Variants in BARD1 observed in about 807,000 individuals in gnomAD.
The protein encoded by BARD1 is BRCA1-associated RING domain protein 1.
BARD1 carries 73 observed loss-of-function variants against 77.0 expected under a neutral mutation model. That is an observed-to-expected ratio of 0.95 (90% CI 0.79 to 1.15). The LOEUF is 1.15. Ranked by LOEUF, BARD1 falls within the 50% of genes most tolerant of loss-of-function variation. The pLI is 0.00. For synonymous variants in BARD1, 384 were observed against 338.0 expected, an observed-to-expected ratio of 1.14 and a Z score of -1.49; for missense variants, 993 against 938.8, an observed-to-expected ratio of 1.06 and a Z score of -0.75.
rs755043888 is a variant in BARD1, at chr2:214,728,719, A to AT, written c.2290dup (p.Ile764AsnfsTer8). Reference sequence around the variant, plus strand: ...CAACTCAAAGGACATCACACAGTCTATAAACCAGCTCGAAGGAGCCTTCCA... The same window carrying AT: ...CAACTCAAAGGACATCACACAGTCTATTAAACCAGCTCGAAGGAGCCTTCCA... On this transcript the variant is annotated frameshift_variant, in exon 11 of 11. Transcript: ENST00000260947. LOFTEE classifies it high-confidence loss of function. The AT allele has an allele frequency of 6.2e-7, 1 of 1,614,222 alleles. No homozygotes were observed. The highest frequency in any genetic ancestry group is 1.1e-5 in the South Asian group (1 of 91,086).
chr2:214,777,543 C>A (rs895503167), intron 4 of BARD1, among the ~76,000 whole-genome samples: 1 of 151,460 alleles, frequency 6.6e-6, no homozygotes, highest in Non-Finnish European at 1.5e-5. Flanking sequence ...CAAGTCTAAA[C>A]AACTTTAGGC....
At chr2:214,751,133 A>G (rs1276679404) in intron 7 of BARD1, among the ~76,000 whole-genome samples, 3,358 of 16,252 alleles carry the variant, frequency 0.21, 653 homozygotes, top group East Asian at 0.48. Flanking sequence ...ATATATATAT[A>G]TATATATATA....
chr2:214,752,334 T>C (rs765496973), intron 7 of BARD1, 113 bp downstream of exon 7: 2 of 835,840 alleles, frequency 2.4e-6, no homozygotes, highest in African/African-American at 1.7e-5. Context: ...AAGTGCTCAA[T>C]AATTGTTTGG....
intron 4 of BARD1, among the ~76,000 whole-genome samples, chr2:214,777,393 G>C (rs771991698): frequency 2.0e-5 from 3 of 152,152 alleles, no homozygotes; most frequent in Non-Finnish European, 4.4e-5. Flanking sequence ...CCTGCAGTGG[G>C]GGAAGGTAAC....
In BARD1 at chr2:214,727,943, T is replaced by C. The variant is rs2105984583; in HGVS notation, c.*733A>G. On this transcript the variant is annotated 3_prime_UTR_variant, in exon 11 of 11. Transcript: ENST00000260947. ...TTAGAGAAAATGCTCTAAGTATATA[T>C]ACACATGTAGTAGATAAACAGAGTT... 1 of 215,788 alleles carries C rather than the reference T, an allele frequency of 4.6e-6. No homozygotes were observed. The highest frequency in any genetic ancestry group is 7.0e-5 in the East Asian group (1 of 14,334). The allele number at this position is 215,788 out of a possible 1,614,324, so 13.4% of individuals were successfully genotyped here.
intron 6 of BARD1, among the ~76,000 whole-genome samples, chr2:214,761,399 A>C (rs1693957352): frequency 6.6e-6 from 1 of 152,194 alleles, no homozygotes; most frequent in Non-Finnish European, 1.5e-5. Context: ...ACTCTAACTT[A>C]TAATCATAAA....
chr2:214,808,003 T>C (rs1696353898), intron 1 of BARD1, among the ~76,000 whole-genome samples: 1 of 152,262 alleles, frequency 6.6e-6, no homozygotes, highest in Admixed American at 6.5e-5. Context: ...TACTCACTTA[T>C]CTGAGTGTCA....
chr2:214,782,936 T>TA (rs1340748675), intron 3 of BARD1, among the ~76,000 whole-genome samples: 2 of 152,040 alleles, frequency 1.3e-5, no homozygotes, highest in African/African-American at 4.8e-5. Context: ...ATAGAAATGG[T>TA]AAAAAGCATT....
chr2:214,803,220 T>C (rs1696106873), intron 1 of BARD1, among the ~76,000 whole-genome samples: 1 of 151,816 alleles, frequency 6.6e-6, no homozygotes. Flanking sequence ...CCAGGTATTG[T>C]CCAAGGTTTC....
chr2:214,727,359 T>C lies in BARD1; in HGVS notation c.*1317A>G, dbSNP rs1012053861. The C allele has an allele frequency of 1.7e-5, 4 of 231,938 alleles. No individual in the cohort carries two copies. Among genetic ancestry groups the C allele is most frequent in the African/African-American group, 8.8e-5 (4 of 45,286 alleles). The allele number at this position is 231,938 out of a possible 1,614,324, so 14.4% of individuals were successfully genotyped here. On this transcript the variant is annotated 3_prime_UTR_variant, in exon 11 of 11. Transcript: ENST00000260947. ...ACTAGGGATATTCTATTCTGGTAGT[T>C]ATCAAACTGTCCTCTTTTGTTCATG...
At position 214,747,150 on chromosome 2, in the gene BARD1, A is replaced by T. The variant is rs1248716967; in HGVS notation, c.1678-1296T>A. ...TCAGAGAAATGCAAATCAAAACCACAGTGAGATACCATCTCACACTAGTTA... is the reference window on the plus strand; with the variant it reads ...TCAGAGAAATGCAAATCAAAACCACTGTGAGATACCATCTCACACTAGTTA... On this transcript the variant is annotated intron_variant, in intron 7 of 10. Transcript: ENST00000260947. 3.3e-5 allele frequency among the ~76,000 whole-genome samples: 5 copies of T among 151,866 alleles called. No individual in the cohort carries two copies. In the East Asian group the frequency reaches 9.7e-4, roughly 29 times the overall value.
chr2:214,809,260 T>C, intron 1 of BARD1, 152 bp downstream of exon 1: 1 of 1,066,092 alleles, frequency 9.4e-7, no homozygotes, highest in South Asian at 1.5e-5. Flanking sequence ...AAGTTGTTAA[T>C]ACTATATCCC....
At chr2:214,732,328 C>G (rs149466947) in intron 9 of BARD1, among the ~76,000 whole-genome samples, 78 of 152,160 alleles carry the variant, frequency 5.1e-4, no homozygotes, top group African/African-American at 1.3e-3. Flanking sequence ...CCTGCGATTG[C>G]ATCTAATATA....
intron 4 of BARD1, among the ~76,000 whole-genome samples, chr2:214,773,186 CACAT>C (rs1380400485): frequency 6.6e-6 from 1 of 152,176 alleles, no homozygotes; most frequent in African/African-American, 2.4e-5. Context: ...CAAAAACACA[CACAT>C]AAAAACAAAA....
chr2:214,805,421 C>T (rs1286240751), intron 1 of BARD1, among the ~76,000 whole-genome samples: 2 of 152,114 alleles, frequency 1.3e-5, no homozygotes, highest in African/African-American at 4.8e-5. Flanking sequence ...AGAAATCATT[C>T]CATTTGGGGA....
chr2:214,803,331 A>G lies in BARD1; in HGVS notation c.158+6081T>C, dbSNP rs535402242. Among the ~76,000 whole-genome samples the G allele has an allele frequency of 5.3e-3, 807 of 152,318 alleles. 8 individuals carry two copies. The highest frequency in any genetic ancestry group is 6.2e-3 in the Non-Finnish European group (422 of 68,030). ...AGGGTCTGTGCTGAGGAGGATTAGT[A>G]TAAGAGGAAGGCAAGCCTCTTGCAG... is the stretch of plus-strand genomic sequence containing the variant. On this transcript the variant is annotated intron_variant, in intron 1 of 10. Transcript: ENST00000260947.
At chr2:214,783,476 A>G (rs563573649) in intron 3 of BARD1, among the ~76,000 whole-genome samples, 13 of 152,106 alleles carry the variant, frequency 8.5e-5, no homozygotes, top group Admixed American at 3.9e-4. Flanking sequence ...AAAACCAAAA[A>G]CCACATCTTC....
rs868089048 is a variant in BARD1, at chr2:214,780,555, C to T, written c.1314+5G>A. ...TGAGATGGTATTTCAGAGTAAGCAT[C>T]CTACCTTAATAGAAGCAATATGGAG... On this transcript the variant is annotated splice_donor_5th_base_variant and intron_variant, in intron 4 of 10. Coordinates refer to ENST00000260947, the MANE Select transcript of BARD1 (RefSeq NM_000465.4). 1 of 1,612,338 alleles carries T rather than the reference C, an allele frequency of 6.2e-7. No individual in the cohort carries two copies.
chr2:214,780,804 A>G lies in BARD1; in HGVS notation c.1070T>C (p.Ile357Thr), dbSNP rs587781555. 4 of 1,613,892 alleles carry G rather than the reference A, an allele frequency of 2.5e-6. No homozygotes were observed. The highest frequency in any genetic ancestry group is 2.5e-6 in the Non-Finnish European group (3 of 1,179,914). ...FVKQTVPSENIPLPECSSPPS... is the reference protein window; with the variant it reads ...FVKQTVPSENTPLPECSSPPS... ...TGGTGAAGAACATTCAGGCAATGGTATATTTTCTGAGGGCACCGTTTGCTT... is the reference window on the plus strand; with the variant it reads ...TGGTGAAGAACATTCAGGCAATGGTGTATTTTCTGAGGGCACCGTTTGCTT... The change falls in exon 4 of 11, where the codon ATA (isoleucine) becomes ACA (threonine). Residue 357 changes from isoleucine to threonine, a missense_variant. Ile to Thr is a moderately conservative substitution (Grantham distance 89). Coordinates refer to ENST00000260947, the MANE Select transcript of BARD1 (RefSeq NM_000465.4).
Sources: gnomAD v4.1 joint callset for allele counts (sites outside exome capture counted in the v4.1 genomes callset) on GRCh38, gnomAD v4.1.1 for gene constraint, MANE v1.5 for transcripts, NCBI Gene and HGNC (gene_info 2026-07-23, HGNC 2026-07-21) for gene names.